The following TMEM150C variants were observed in gnomAD, a reference collection of about 807,000 sequenced individuals.
TMEM150C encodes the protein transmembrane protein 150C, also known as tentonin 3.
TMEM150C carries 10 observed loss-of-function variants against 29.9 expected under a neutral mutation model. The observed-to-expected ratio is 0.33, with a 90% CI of 0.21 to 0.57. TMEM150C has a LOEUF of 0.57. Ranked by LOEUF, TMEM150C falls within the 20% of genes least tolerant of loss-of-function variation. TMEM150C has a pLI of 0.88. For synonymous variants in TMEM150C, 101 were observed against 112.5 expected (o/e 0.90, Z 0.64); for missense variants, 251 against 303.6 (o/e 0.83, Z 1.29).
At chr4:82,554,287 A>G (rs1326344825) in intron 1 of TMEM150C, among the ~76,000 whole-genome samples, 3 of 152,208 alleles carry the variant, frequency 2.0e-5, no homozygotes, top group Admixed American at 6.5e-5. Context: ...ATATATTTCC[A>G]TTAGAAATTC....
rs191045760 is a variant in TMEM150C, at chr4:82,531,086, A to G, written c.-10-26419T>C. On this transcript the variant is annotated intron_variant, in intron 1 of 7. Transcript: ENST00000449862. ...TGGCGACACAGATCCAAACCATATCAATGGCAAATGGAGCCAAGGCAAGGC... is the reference window on the plus strand; with the variant it reads ...TGGCGACACAGATCCAAACCATATCGATGGCAAATGGAGCCAAGGCAAGGC... Among the ~76,000 whole-genome samples, 3 of 152,330 alleles carry G rather than the reference A, an allele frequency of 2.0e-5. No individual in the cohort carries two copies. In the East Asian group the frequency reaches 5.8e-4, roughly 29 times the overall value.
chr4:82,489,062 ATTTTT>A (rs576894576), intron 7 of TMEM150C, among the ~76,000 whole-genome samples: 1 of 126,078 alleles, frequency 7.9e-6, no homozygotes, highest in African/African-American at 3.0e-5. Context: ...GGATTTTTAG[ATTTTT>A]TTTTTTTTTT....
chr4:82,534,536 G>T (rs1268347709), intron 1 of TMEM150C, among the ~76,000 whole-genome samples: 1 of 152,200 alleles, frequency 6.6e-6, no homozygotes. Flanking sequence ...AATAAATGGA[G>T]AGACAGTAAA....
intron 1 of TMEM150C, among the ~76,000 whole-genome samples, chr4:82,561,248 C>G (rs906090789): frequency 2.6e-5 from 4 of 152,238 alleles, no homozygotes; most frequent in Non-Finnish European, 5.9e-5. Context: ...ACCAAAGAGC[C>G]TAGGTAACCC....
At chr4:82,487,052 T>C (rs1002774878) in intron 7 of TMEM150C, among the ~76,000 whole-genome samples, 3 of 152,142 alleles carry the variant, frequency 2.0e-5, no homozygotes, top group Admixed American at 2.0e-4. Flanking sequence ...CAAACTTTGC[T>C]TTGCTAACTG....
intron 1 of TMEM150C, among the ~76,000 whole-genome samples, chr4:82,557,715 T>C (rs561044572): frequency 6.0e-5 from 9 of 150,186 alleles, no homozygotes; most frequent in East Asian, 1.9e-4. Context: ...CAAGTACAAG[T>C]GGTTTTTCTT....
At chr4:82,490,460 T>C (rs1421680767) in intron 6 of TMEM150C, among the ~76,000 whole-genome samples, 1 of 152,162 alleles carries the variant, frequency 6.6e-6, no homozygotes, top group Non-Finnish European at 1.5e-5. Flanking sequence ...AACATTTGTG[T>C]AGAAAAAGTA....
intron 7 of TMEM150C, among the ~76,000 whole-genome samples, chr4:82,486,361 A>AAG (rs561260880): frequency 1.1e-3 from 159 of 150,808 alleles, no homozygotes; most frequent in African/African-American, 3.7e-3. Context: ...AAAAAAAAAA[A>AAG]AAGAAGAAAG....
intron 1 of TMEM150C, among the ~76,000 whole-genome samples, chr4:82,527,019 CT>C (rs893109064): frequency 0.13 from 10,114 of 75,244 alleles, 110 homozygotes; most frequent in African/African-American, 0.19. Context: ...CATACTGGGT[CT>C]TTTTTTTTTT....
intron 1 of TMEM150C, among the ~76,000 whole-genome samples, chr4:82,554,339 T>C (rs1238302886): frequency 6.6e-6 from 1 of 152,194 alleles, no homozygotes; most frequent in East Asian, 1.9e-4. Flanking sequence ...AATTTGCAAA[T>C]ACTCCAAGTT....
intron 6 of TMEM150C, chr4:82,491,573 C>A: frequency 1.5e-6 from 1 of 658,134 alleles, no homozygotes; most frequent in African/African-American, 1.8e-5. Flanking sequence ...TGGCCTCCTG[C>A]TTCTTCATGA....
At chr4:82,485,844 T>C in intron 7 of TMEM150C, 125 bp from the exon 8 acceptor site, 1 of 797,406 alleles carries the variant, frequency 1.3e-6, no homozygotes, top group East Asian at 2.7e-5. Flanking sequence ...GGTAGCCTGC[T>C]AGAGCTTGTT....
At chr4:82,542,787 T>C (rs1298128240) in intron 1 of TMEM150C, among the ~76,000 whole-genome samples, 1 of 152,088 alleles carries the variant, frequency 6.6e-6, no homozygotes, top group Non-Finnish European at 1.5e-5. Flanking sequence ...CCAGTGTCAT[T>C]AAATGGATCC....
intron 6 of TMEM150C, among the ~76,000 whole-genome samples, chr4:82,492,888 ATATATATATATG>A (rs1321621306): frequency 7.1e-6 from 1 of 141,258 alleles, no homozygotes; most frequent in African/African-American, 2.6e-5. Flanking sequence ...ATATATATAT[ATATATATATATG>A]TATTTGAGAT....
At chr4:82,522,988 G>A (rs1213420800) in intron 1 of TMEM150C, among the ~76,000 whole-genome samples, 2 of 152,102 alleles carry the variant, frequency 1.3e-5, no homozygotes, top group Admixed American at 6.5e-5. Flanking sequence ...ATTCACAGGT[G>A]GGCCCAGTAG....
chr4:82,530,445 TA>T (rs1420189391), intron 1 of TMEM150C, among the ~76,000 whole-genome samples: 2 of 152,062 alleles, frequency 1.3e-5, no homozygotes, highest in African/African-American at 4.8e-5. Context: ...TAGTCCCAGT[TA>T]CTCGGGAGGC....
intron 5 of TMEM150C, 38 bp from the exon 6 acceptor site, chr4:82,496,233 A>C: frequency 6.3e-7 from 1 of 1,599,522 alleles, no homozygotes; most frequent in Non-Finnish European, 8.6e-7. Context: ...GAAGAAATTA[A>C]ATCACACACC....
chr4:82,502,098 C>T (rs1026485529), intron 5 of TMEM150C, among the ~76,000 whole-genome samples: 1 of 152,196 alleles, frequency 6.6e-6, no homozygotes, highest in Non-Finnish European at 1.5e-5. Context: ...CCCACCATCT[C>T]TGGAGGACTA....
Position 82,503,513 on chromosome 4 carries a change from G to A in TMEM150C, c.81-401C>T, listed in dbSNP as rs950518068. ...ACCTAAAATAAGCAAGTGTGGGAAC[G>A]TTCTGTGGTAAGCCAGGACTTCCAA... On this transcript the variant is annotated intron_variant, in intron 2 of 7. Transcript: ENST00000449862. Among the ~76,000 whole-genome samples the A allele has an allele frequency of 1.3e-5, 2 of 152,270 alleles. 1 individual carries two copies. The highest frequency in any genetic ancestry group is 4.1e-4 in the South Asian group (2 of 4,824).
Sources: allele counts gnomAD v4.1 joint callset (sites outside exome capture counted in the v4.1 genomes callset), GRCh38; gene constraint gnomAD v4.1.1; transcripts MANE v1.5; gene names NCBI Gene and HGNC (gene_info 2026-07-23, HGNC 2026-07-21).